Variants in TOGARAM2 observed in about 807,000 individuals in gnomAD.
The protein encoded by TOGARAM2 is TOG array regulator of axonemal microtubules 2.
TOGARAM2 carries 85 observed loss-of-function variants against 93.3 expected under a neutral mutation model. The observed-to-expected ratio is 0.91, with a 90% CI of 0.76 to 1.09. The LOEUF is 1.09. Ranked by LOEUF, TOGARAM2 falls within the 50% of genes least tolerant of loss-of-function variation. The pLI is 0.00. For missense variants in TOGARAM2, 1,277 were observed against 1,334.5 expected (o/e 0.96, Z 0.67); for synonymous variants, 593 against 552.8 (o/e 1.07, Z -1.02).
Position 29,011,442 on chromosome 2 carries a change from C to T in TOGARAM2, c.831-13C>T, listed in dbSNP as rs1247486474. On this transcript the variant is annotated splice_polypyrimidine_tract_variant and intron_variant, in intron 6 of 19. Transcript: ENST00000379558. ...ATCCCTCATGATGCTTTTCTCTCCC[C>T]CGTTCTTTTAAGATTGGCTCGGGGG... is the stretch of plus-strand genomic sequence containing the variant. 6.2e-7 allele frequency: 1 copy of T among 1,610,616 alleles called. No individual in the cohort carries two copies. The highest frequency in any genetic ancestry group is 1.6e-4 in the Middle Eastern group (1 of 6,066).
At chr2:29,014,251 A>G in intron 7 of TOGARAM2, 144 bp from the exon 8 acceptor site, 1 of 946,002 alleles carries the variant, frequency 1.1e-6, no homozygotes, top group Non-Finnish European at 1.6e-6. Context: ...GCTGCCCTGT[A>G]CAGTAAACCT....
intron 9 of TOGARAM2, 105 bp from the exon 10 acceptor site, chr2:29,017,687 T>C: frequency 8.6e-7 from 1 of 1,157,042 alleles, no homozygotes; most frequent in East Asian, 2.8e-5. Context: ...TTGGGGGTAC[T>C]GGCATGAGCT....
chr2:29,011,240 C>A (rs2148321900), intron 6 of TOGARAM2, among the ~76,000 whole-genome samples: 1 of 152,338 alleles, frequency 6.6e-6, no homozygotes, highest in Non-Finnish European at 1.5e-5. Context: ...GGGGCTGAAC[C>A]TGGCCTGGTG....
chr2:28,995,973 A>C (rs1672970021), intron 2 of TOGARAM2, among the ~76,000 whole-genome samples: 1 of 152,250 alleles, frequency 6.6e-6, no homozygotes, highest in African/African-American at 2.4e-5. Context: ...ACAGTACTAC[A>C]GAGATGAGTA....
In TOGARAM2 at chr2:29,044,258, G is replaced by A. The variant is rs115892974; in HGVS notation, c.2636-1066G>A. On this transcript the variant is annotated intron_variant, in intron 18 of 19. Transcript: ENST00000379558. ...CCTCTTTTCCCAAACCTCCCGAAAG[G>A]CATATTGGGGCATATAGACGATAAA... Among the ~76,000 whole-genome samples, 1,448 of 152,244 alleles carry A rather than the reference G, an allele frequency of 9.5e-3. 20 individuals are homozygous for A. Among genetic ancestry groups the A allele is most frequent in the African/African-American group, 0.034 (1,392 of 41,534 alleles).
intron 13 of TOGARAM2, among the ~76,000 whole-genome samples, chr2:29,025,653 G>A (rs1369897320): frequency 6.6e-6 from 1 of 152,164 alleles, no homozygotes; most frequent in Non-Finnish European, 1.5e-5. Context: ...GAGTTCTGAT[G>A]TCCCCCACTG....
intron 1 of TOGARAM2, among the ~76,000 whole-genome samples, chr2:28,963,745 T>C (rs913531153): frequency 6.6e-6 from 1 of 152,184 alleles, no homozygotes; most frequent in African/African-American, 2.4e-5. Flanking sequence ...CGGTGGCTCA[T>C]GCCTGTAATC....
intron 12 of TOGARAM2, among the ~76,000 whole-genome samples, chr2:29,023,748 C>G (rs1338360551): frequency 3.3e-5 from 5 of 152,036 alleles, no homozygotes; most frequent in Non-Finnish European, 5.9e-5. Context: ...GTCTCTGTTT[C>G]CTCTGCAAAG....
chr2:29,034,359 T>G (rs1042101600), intron 16 of TOGARAM2, among the ~76,000 whole-genome samples: 5 of 152,224 alleles, frequency 3.3e-5, no homozygotes, highest in African/African-American at 1.2e-4. Context: ...GCTCTACCAC[T>G]CTGTGTCCTC....
At position 29,006,114 on chromosome 2, in the gene TOGARAM2, C is replaced by CTT. The variant is rs1663788786; in HGVS notation, c.830+2432_830+2433insTT. On this transcript the variant is annotated intron_variant, in intron 6 of 19. Coordinates refer to ENST00000379558, the MANE Select transcript of TOGARAM2 (RefSeq NM_199280.4). ...GTGTGGGGTGCATGTGTGTGGAGTG[C>CTT]ATATGTGTGTGCATGTGTGTGAGAG... Among the ~76,000 whole-genome samples the CTT allele has an allele frequency of 1.6e-4, 8 of 49,188 alleles. No individual in the cohort carries two copies. In the South Asian group the frequency reaches 2.7e-3, roughly 17 times the overall value. The allele number at this position is 49,188 out of a possible 152,430, so 32.3% of individuals were successfully genotyped here.
Position 29,014,476 on chromosome 2 carries a change from C to T in TOGARAM2, c.959C>T (p.Pro320Leu), listed in dbSNP as rs564518939. 3.1e-5 allele frequency: 50 copies of T among 1,598,038 alleles called. No individual in the cohort carries two copies. Among genetic ancestry groups the T allele is most frequent in the Admixed American group, 5.2e-5 (3 of 57,836 alleles). The change falls in exon 8 of 20, where the codon CCC becomes CTC. Residue 320 changes from proline (P) to leucine (L), a missense_variant. Pro to Leu is a moderately conservative substitution (Grantham distance 98). Transcript: ENST00000379558. ...GCCCTGCCTTTTTCTCAGTCTGCTC[C>T]CACGCTGACAGCCTTCTCCTTTGAC... The part of the protein sequence containing the change: ...KPALPFSQSA[P>L]TLTAFSFDCA...
At chr2:28,985,590 C>T (rs991156594) in intron 1 of TOGARAM2, among the ~76,000 whole-genome samples, 27 of 152,054 alleles carry the variant, frequency 1.8e-4, no homozygotes, top group African/African-American at 6.0e-4. Flanking sequence ...TGCACCAACA[C>T]GATACACAAA....
intron 2 of TOGARAM2, among the ~76,000 whole-genome samples, chr2:28,996,423 C>A (rs1173911307): frequency 1.3e-5 from 2 of 152,226 alleles, no homozygotes; most frequent in African/African-American, 4.8e-5. Flanking sequence ...CTCTGGTAAC[C>A]ACCATTCTGT....
chr2:29,024,214 A>T lies in TOGARAM2; in HGVS notation c.1693A>T (p.Asn565Tyr). The T allele has an allele frequency of 6.2e-7, 1 of 1,608,066 alleles. No homozygotes were observed. The highest frequency in any genetic ancestry group is 8.5e-7 in the Non-Finnish European group (1 of 1,177,118). ...AGACCTCTTCCAGGCCTTGAAGAAG[A>T]ATATGGACCAGGAGGCCGAGGAGAT... ...LGDLFQALKK[N>Y]MDQEAEEIAR... The change falls in exon 13 of 20, where the codon AAT becomes TAT. Residue 565 changes from asparagine (N) to tyrosine (Y), a missense_variant. Asn to Tyr is a moderately radical substitution (Grantham distance 143). Coordinates refer to ENST00000379558, the MANE Select transcript of TOGARAM2 (RefSeq NM_199280.4).
chr2:29,009,537 G>A (rs112189728), intron 6 of TOGARAM2, among the ~76,000 whole-genome samples: 6 of 151,972 alleles, frequency 3.9e-5, no homozygotes, highest in South Asian at 2.1e-4. Context: ...AGGTGGGGGC[G>A]GGGCGGGATG....
At chr2:29,047,527 A>G (rs990914909) in intron 19 of TOGARAM2, 3 of 152,258 alleles carry the variant, frequency 2.0e-5, no homozygotes, top group Non-Finnish European at 2.9e-5. Flanking sequence ...TAATAGGAGT[A>G]AATCTTCTGC....
At position 29,011,456 on chromosome 2, in the gene TOGARAM2, T is replaced by C. The variant is rs1438721012; in HGVS notation, c.832T>C (p.Leu278=). The change falls in exon 7 of 20, where the codon TTG becomes CTG. Residue 278 remains leucine, a splice_region_variant and synonymous_variant. Coordinates refer to ENST00000379558, the MANE Select transcript of TOGARAM2 (RefSeq NM_199280.4). The part of the protein sequence containing the change: ...LTGLRAPRTR[L]ARGSGPREKT... ...TTTTCTCTCCCCCGTTCTTTTAAGATTGGCTCGGGGGAGTGGGCCTCGGGA... is the reference window on the plus strand; with the variant it reads ...TTTTCTCTCCCCCGTTCTTTTAAGACTGGCTCGGGGGAGTGGGCCTCGGGA... 3.1e-6 allele frequency: 5 copies of C among 1,610,732 alleles called. No homozygotes were observed. The highest frequency in any genetic ancestry group is 4.2e-6 in the Non-Finnish European group (5 of 1,178,602).
intron 1 of TOGARAM2, among the ~76,000 whole-genome samples, chr2:28,957,344 CTCATTTTTGTATTTTTAGTA>C (rs1558390359): frequency 2.0e-5 from 3 of 151,958 alleles, no homozygotes; most frequent in African/African-American, 7.3e-5. Flanking sequence ...CCACGCCTGG[CTCATTTTTGTATTTTTAGTA>C]GAGACGGGGT....
intron 1 of TOGARAM2, among the ~76,000 whole-genome samples, chr2:28,986,206 C>G (rs921758812): frequency 2.0e-5 from 3 of 151,790 alleles, no homozygotes; most frequent in Admixed American, 2.0e-4. Flanking sequence ...AACATGGCAG[C>G]CCTGCTTGTC....
Sources: allele counts gnomAD v4.1 joint callset (sites outside exome capture counted in the v4.1 genomes callset), GRCh38; gene constraint gnomAD v4.1.1; transcripts MANE v1.5; gene names NCBI Gene and HGNC (gene_info 2026-07-23, HGNC 2026-07-21).